Variants in ASIC2 observed in about 807,000 individuals in gnomAD.
ASIC2 encodes the protein acid-sensing ion channel 2.
In ASIC2, 25 loss-of-function variants were observed where a neutral mutation model predicts 57.3. That is an observed-to-expected ratio of 0.44 (90% CI 0.32 to 0.61). The LOEUF is 0.61. ASIC2 is among the 20% of genes least tolerant of loss of function. The pLI is 0.06. For synonymous variants in ASIC2, 319 were observed against 307.5 expected, an observed-to-expected ratio of 1.04 and a Z score of -0.39; for missense variants, 641 against 738.1, an observed-to-expected ratio of 0.87 and a Z score of 1.52.
chr17:33,311,805 T>C (rs1332084029), intron 1 of ASIC2, among the ~76,000 whole-genome samples: 2 of 152,212 alleles, frequency 1.3e-5, no homozygotes, highest in African/African-American at 4.8e-5. Context: ...TTATTTCACA[T>C]ATTTTCTTTG....
At chr17:33,924,279 T>A (rs1348690838) in intron 1 of ASIC2, among the ~76,000 whole-genome samples, 1 of 152,072 alleles carries the variant, frequency 6.6e-6, no homozygotes, top group Non-Finnish European at 1.5e-5. Context: ...AACCCTGGAG[T>A]GAGGCTTGCA....
intron 1 of ASIC2, among the ~76,000 whole-genome samples, chr17:33,135,615 C>T (rs1000453078): frequency 2.6e-5 from 4 of 152,118 alleles, no homozygotes; most frequent in African/African-American, 9.7e-5. Context: ...AAGATGGAGC[C>T]AGGCAGGAGG....
chr17:34,084,863 G>A (rs554324721), intron 1 of ASIC2, among the ~76,000 whole-genome samples: 3 of 152,298 alleles, frequency 2.0e-5, no homozygotes, highest in African/African-American at 7.2e-5. Context: ...GTATAAGAAT[G>A]CTTGTGATTT....
chr17:33,390,149 C>T (rs535575134), intron 1 of ASIC2, among the ~76,000 whole-genome samples: 1 of 152,110 alleles, frequency 6.6e-6, no homozygotes, highest in Non-Finnish European at 1.5e-5. Context: ...CCTGTCTCTA[C>T]TAAAAAGACA....
intron 1 of ASIC2, among the ~76,000 whole-genome samples, chr17:33,366,584 C>T (rs1908817678): frequency 6.6e-6 from 1 of 152,246 alleles, no homozygotes; most frequent in African/African-American, 2.4e-5. Flanking sequence ...CCTTTCTTAT[C>T]CTCCCATGGC....
chr17:33,742,755 C>A (rs1175668662), intron 1 of ASIC2, among the ~76,000 whole-genome samples: 4 of 152,170 alleles, frequency 2.6e-5, no homozygotes, highest in African/African-American at 9.7e-5. Context: ...ACTGAAGACA[C>A]TGGAAACTGC....
At chr17:34,146,177 T>A (rs1912412133) in intron 1 of ASIC2, among the ~76,000 whole-genome samples, 3 of 152,188 alleles carry the variant, frequency 2.0e-5, no homozygotes, top group Admixed American at 2.0e-4. Context: ...ATCAGAGAGA[T>A]GCTCATTTGA....
At chr17:33,746,216 A>C (rs1910253061) in intron 1 of ASIC2, among the ~76,000 whole-genome samples, 1 of 151,358 alleles carries the variant, frequency 6.6e-6, no homozygotes, top group South Asian at 2.1e-4. Context: ...AAATGTATAC[A>C]TGTCTTCCTT....
chr17:34,030,558 A>T (rs1907562686), intron 1 of ASIC2, among the ~76,000 whole-genome samples: 2 of 152,348 alleles, frequency 1.3e-5, no homozygotes, highest in African/African-American at 4.8e-5. Context: ...AGGGCGAGGC[A>T]TCGCCTCACC....
chr17:33,679,831 C>T lies in ASIC2; in HGVS notation c.555+476147G>A, dbSNP rs570227809. 7.9e-5 allele frequency among the ~76,000 whole-genome samples: 12 copies of T among 151,624 alleles called. No individual in the cohort carries two copies. In the East Asian group the frequency reaches 9.7e-4, roughly 12 times the overall value. The stretch of plus-strand genomic sequence containing the variant: ...CTTTTGGGGAGCAGAAAGAAGGTCA[C>T]GGAAAAAAAACAGCGTGATTCATGG... On this transcript the variant is annotated intron_variant, in intron 1 of 9. Coordinates refer to the ASIC2 transcript ENST00000359872.
At chr17:33,551,773 C>T (rs2141977182) in intron 1 of ASIC2, among the ~76,000 whole-genome samples, 1 of 152,286 alleles carries the variant, frequency 6.6e-6, no homozygotes, top group South Asian at 2.1e-4. Flanking sequence ...CAGATATTGT[C>T]CTCACAAGGG....
At chr17:33,891,364 A>G (rs2141947340) in intron 1 of ASIC2, among the ~76,000 whole-genome samples, 1 of 152,310 alleles carries the variant, frequency 6.6e-6, no homozygotes. Context: ...AAGCAAGCTT[A>G]GATAGCATGG....
chr17:33,834,974 G>A (rs999132370), intron 1 of ASIC2, among the ~76,000 whole-genome samples: 2 of 152,166 alleles, frequency 1.3e-5, no homozygotes, highest in Non-Finnish European at 2.9e-5. Flanking sequence ...ACTGTGTTTG[G>A]CGTGCTCATT....
intron 1 of ASIC2, among the ~76,000 whole-genome samples, chr17:34,119,832 G>A (rs1460472109): frequency 6.6e-6 from 1 of 152,216 alleles, no homozygotes; most frequent in African/African-American, 2.4e-5. Context: ...TTTGTGGACA[G>A]TTTGTTTTGA....
intron 1 of ASIC2, among the ~76,000 whole-genome samples, chr17:33,713,368 G>A (rs1033849889): frequency 6.6e-6 from 1 of 152,190 alleles, no homozygotes; most frequent in Non-Finnish European, 1.5e-5. Flanking sequence ...AGGCTAGAGG[G>A]GAGGGTCCTT....
At chr17:34,033,691 G>A (rs566667534) in intron 1 of ASIC2, among the ~76,000 whole-genome samples, 21 of 152,258 alleles carry the variant, frequency 1.4e-4, no homozygotes, top group Admixed American at 3.3e-4. Flanking sequence ...TATCATCACC[G>A]ATCCCACAGA....
intron 2 of ASIC2, among the ~76,000 whole-genome samples, chr17:33,102,442 T>A (rs2092215542): frequency 6.6e-6 from 1 of 152,202 alleles, no homozygotes; most frequent in Non-Finnish European, 1.5e-5. Context: ...CACCAGGATG[T>A]GTCTTGGTCT....
intron 3 of ASIC2, among the ~76,000 whole-genome samples, chr17:33,028,937 A>T (rs1315377659): frequency 6.6e-6 from 1 of 152,168 alleles, no homozygotes; most frequent in Non-Finnish European, 1.5e-5. Context: ...GACTAGAGAG[A>T]CTTTCCAAGT....
intron 1 of ASIC2, among the ~76,000 whole-genome samples, chr17:33,879,119 G>C (rs1914630330): frequency 6.6e-6 from 1 of 152,156 alleles, no homozygotes; most frequent in South Asian, 2.1e-4. Context: ...ACTAAACATG[G>C]AAAGGAACAA....
Sources: gnomAD v4.1 joint callset for allele counts (sites outside exome capture counted in the v4.1 genomes callset) on GRCh38, gnomAD v4.1.1 for gene constraint, MANE v1.5 for transcripts, NCBI Gene and HGNC (gene_info 2026-07-23, HGNC 2026-07-21) for gene names.